WDR27: variants seen among roughly 807,000 people sequenced by gnomAD.
WDR27 encodes the protein WD repeat-containing protein 27.
A neutral mutation model predicts 114.4 loss-of-function variants in WDR27; 100 were observed. The ratio of observed to expected loss-of-function variants is 0.87; its 90% CI spans 0.74 to 1.03. The LOEUF (loss-of-function observed/expected upper bound fraction) is 1.03, where lower values mean the gene tolerates loss of function less well. Among genes scored for constraint, WDR27 ranks in the 50% least tolerant of loss-of-function variants. The pLI is 0.00. For synonymous variants in WDR27, 449 were observed against 423.1 expected, an observed-to-expected ratio of 1.06 and a Z score of -0.75; for missense variants, 1,129 against 1,092.9, an observed-to-expected ratio of 1.03 and a Z score of -0.47.
At chr6:169,539,035 A>T (rs1398143233) in intron 25 of WDR27, among the ~76,000 whole-genome samples, 1 of 152,232 alleles carries the variant, frequency 6.6e-6, no homozygotes, top group Non-Finnish European at 1.5e-5. Flanking sequence ...ATGAGTTGAC[A>T]TTCTAGTCCC....
intron 14 of WDR27, among the ~76,000 whole-genome samples, chr6:169,651,346 G>C (rs1194465410): frequency 6.6e-6 from 1 of 152,200 alleles, no homozygotes; most frequent in South Asian, 2.1e-4. Context: ...AAAAAGTCAA[G>C]AGGTGAGGTA....
chr6:169,565,457 T>C (rs1800311822), intron 25 of WDR27, among the ~76,000 whole-genome samples: 1 of 151,756 alleles, frequency 6.6e-6, no homozygotes, highest in Admixed American at 6.6e-5. Flanking sequence ...TGAAGTCTCA[T>C]CCCCTAAAAA....
At chr6:169,635,640 G>A (rs1294964017) in intron 19 of WDR27, among the ~76,000 whole-genome samples, 2 of 152,196 alleles carry the variant, frequency 1.3e-5, no homozygotes, top group Admixed American at 1.3e-4. Context: ...CCAACCCTTG[G>A]CAGGTCCCAA....
intron 25 of WDR27, among the ~76,000 whole-genome samples, chr6:169,524,868 T>C (rs1794773649): frequency 6.6e-6 from 1 of 152,188 alleles, no homozygotes; most frequent in African/African-American, 2.4e-5. Context: ...GATTGTGGTC[T>C]GGGCAAAGAT....
intron 25 of WDR27, among the ~76,000 whole-genome samples, chr6:169,528,584 T>C (rs1211849620): frequency 6.6e-6 from 1 of 152,260 alleles, no homozygotes; most frequent in Non-Finnish European, 1.5e-5. Flanking sequence ...TGGAGTGCAG[T>C]GGCACAATCT....
chr6:169,505,472 A>G, intron 25 of WDR27, among the ~76,000 whole-genome samples: 2 of 56,584 alleles, frequency 3.5e-5, no homozygotes, highest in Non-Finnish European at 1.8e-4. Flanking sequence ...TTCCTTCTCT[A>G]TACTTAGGGA....
At chr6:169,637,814 AGTAT>A (rs1400161489) in intron 18 of WDR27, among the ~76,000 whole-genome samples, 5 of 152,016 alleles carry the variant, frequency 3.3e-5, no homozygotes, top group Admixed American at 6.5e-5. Context: ...GTATGTGGCA[AGTAT>A]GTAAGTGTGC....
At chr6:169,607,717 C>A (rs986540218) in intron 22 of WDR27, among the ~76,000 whole-genome samples, 2 of 152,174 alleles carry the variant, frequency 1.3e-5, no homozygotes, top group African/African-American at 4.8e-5. Context: ...AAAGCCCGGA[C>A]TTCACCACTA....
intron 25 of WDR27, among the ~76,000 whole-genome samples, chr6:169,498,494 G>A (rs1226664520): frequency 6.6e-6 from 1 of 152,150 alleles, no homozygotes; most frequent in East Asian, 1.9e-4. Context: ...AAATAGATCA[G>A]GGACTTAAAT....
intron 17 of WDR27, among the ~76,000 whole-genome samples, chr6:169,639,149 T>C (rs1485669141): frequency 1.4e-5 from 2 of 143,760 alleles, no homozygotes; most frequent in East Asian, 4.1e-4. Flanking sequence ...CTGGGTACTG[T>C]GTGGGGCGTG....
At chr6:169,527,142 C>A (rs549507927) in intron 25 of WDR27, among the ~76,000 whole-genome samples, 3 of 152,080 alleles carry the variant, frequency 2.0e-5, no homozygotes, top group Admixed American at 1.3e-4. Flanking sequence ...TCCACTCCTA[C>A]ATATACACAA....
chr6:169,518,079 G>T (rs533864729), intron 25 of WDR27, among the ~76,000 whole-genome samples: 1 of 152,322 alleles, frequency 6.6e-6, no homozygotes, highest in Admixed American at 6.5e-5. Context: ...CCAAGGCCTT[G>T]GGAAGTTCTG....
chr6:169,592,253 T>C (rs1466279523), intron 23 of WDR27, among the ~76,000 whole-genome samples: 1 of 151,024 alleles, frequency 6.6e-6, no homozygotes, highest in Non-Finnish European at 1.5e-5. Context: ...TTTGTTGTTG[T>C]TGTTGTTGGG....
At chr6:169,640,045 C>T (rs539424870) in intron 17 of WDR27, among the ~76,000 whole-genome samples, 3 of 152,236 alleles carry the variant, frequency 2.0e-5, no homozygotes, top group South Asian at 2.1e-4. Flanking sequence ...CCTGAGCACC[C>T]GGGCTGGGAT....
chr6:169,666,698 C>T (rs1465677322), intron 6 of WDR27: 1 of 987,300 alleles, frequency 1.0e-6, no homozygotes, highest in Non-Finnish European at 1.2e-6. Flanking sequence ...AGGACCCTGG[C>T]ATTCACGAGC....
Position 169,582,960 on chromosome 6 carries a change from C to T in WDR27, c.2425-26G>A, listed in dbSNP as rs139312231. The stretch of plus-strand genomic sequence containing the variant: ...CTACAAGACAAGATGAGCAGGTGTG[C>T]CATGTTAACTCAGAGTCAGGAATCA... On this transcript the variant is annotated intron_variant, in intron 23 of 25. Transcript: ENST00000448612. 5.9e-4 allele frequency: 941 copies of T among 1,604,590 alleles called. 3 individuals are homozygous for T. In the African/African-American group the frequency reaches 0.011, roughly 19 times the overall value.
At chr6:169,648,591 T>C (rs1011194541) in intron 15 of WDR27, among the ~76,000 whole-genome samples, 2 of 152,248 alleles carry the variant, frequency 1.3e-5, no homozygotes, top group East Asian at 3.8e-4. Flanking sequence ...AAAATCAATA[T>C]TGGCGCTCTG....
At chr6:169,452,501 AG>A (rs1562434189), downstream of WDR27, among the ~76,000 whole-genome samples, 4,268 of 20,156 alleles carry the variant, frequency 0.21, 219 homozygotes, top group African/African-American at 0.41. Context: ...ACGTGGGGTC[AG>A]AGAGGAGCCG....
rs763066020 is a variant in WDR27, at chr6:169,689,026, G to C, written c.-7-14C>G. The C allele has an allele frequency of 2.5e-6, 4 of 1,585,064 alleles. No individual in the cohort carries two copies. The highest frequency in any genetic ancestry group is 3.4e-6 in the Non-Finnish European group (4 of 1,163,056). ...TCCATCTTCAATCTGAAAACAAAAAGTACATATAAGATGACTATAGGTATC... is the reference window on the plus strand; with the variant it reads ...TCCATCTTCAATCTGAAAACAAAAACTACATATAAGATGACTATAGGTATC... On this transcript the variant is annotated splice_polypyrimidine_tract_variant and intron_variant, in intron 1 of 25. Transcript: ENST00000448612.
Sources: allele counts gnomAD v4.1 joint callset (sites outside exome capture counted in the v4.1 genomes callset), GRCh38; gene constraint gnomAD v4.1.1; transcripts MANE v1.5; gene names NCBI Gene and HGNC (gene_info 2026-07-23, HGNC 2026-07-21).